Variants in CORIN observed in about 807,000 individuals in gnomAD.
CORIN encodes the protein atrial natriuretic peptide-converting enzyme.
In CORIN, 117 loss-of-function variants were observed where a neutral mutation model predicts 125.3. That is an observed-to-expected ratio of 0.93 (90% CI 0.80 to 1.09). The LOEUF is 1.09. Among genes scored for constraint, CORIN ranks in the 50% least tolerant of loss-of-function variants. CORIN has a pLI of 0.00. For synonymous variants in CORIN, 450 were observed against 466.4 expected (o/e 0.96, Z 0.45); for missense variants, 1,253 against 1,306.7 (o/e 0.96, Z 0.63).
At chr4:47,643,076 A>G (rs1283537768) in intron 15 of CORIN, 70 bp downstream of exon 15, 4 of 1,611,544 alleles carry the variant, frequency 2.5e-6, no homozygotes, top group Non-Finnish European at 2.5e-6. Flanking sequence ...GAAGTAATTT[A>G]GGATCCATTC....
intron 16 of CORIN, among the ~76,000 whole-genome samples, chr4:47,637,222 G>A (rs11933764): frequency 1.3e-5 from 2 of 152,148 alleles, no homozygotes; most frequent in Non-Finnish European, 2.9e-5. Flanking sequence ...GCATTCAAGA[G>A]GTGACTTGGG....
At chr4:47,808,252 T>G (rs1731882959) in intron 1 of CORIN, among the ~76,000 whole-genome samples, 1 of 152,200 alleles carries the variant, frequency 6.6e-6, no homozygotes, top group Non-Finnish European at 1.5e-5. Context: ...TGGTTCTTCC[T>G]CTTAATAAAT....
chr4:47,798,977 G>C (rs911271076), intron 2 of CORIN, among the ~76,000 whole-genome samples: 1 of 152,044 alleles, frequency 6.6e-6, no homozygotes, highest in African/African-American at 2.4e-5. Flanking sequence ...CTTCTTATAA[G>C]TGAGAACATG....
chr4:47,632,757 A>AGATAGATAGATAGATAGATAGATAGAT lies in CORIN; in HGVS notation c.2199-6237_2199-6236insATCTATCTATCTATCTATCTATCTATC, dbSNP rs1219555317. 2.7e-3 allele frequency among the ~76,000 whole-genome samples: 365 copies of AGATAGATAGATAGATAGATAGATAGAT among 136,904 alleles called. 1 individual carries two copies. Among genetic ancestry groups the AGATAGATAGATAGATAGATAGATAGAT allele is most frequent in the East Asian group, 6.8e-3 (34 of 4,982 alleles). 89.8% of individuals were successfully genotyped at this position (136,904 alleles called of 152,430 possible). ...TAGATAGATAGATAGATAGATAGAT[A>AGATAGATAGATAGATAGATAGATAGAT]GATAGATAGAGATAGATAGTTAGAT... is the stretch of plus-strand genomic sequence containing the variant. On this transcript the variant is annotated intron_variant, in intron 16 of 21. Coordinates refer to ENST00000273857, the MANE Select transcript of CORIN (RefSeq NM_006587.4).
chr4:47,661,364 T>A (rs931289194), intron 12 of CORIN: 1 of 172,498 alleles, frequency 5.8e-6, no homozygotes, highest in Non-Finnish European at 1.2e-5. Flanking sequence ...AAAGGATAAA[T>A]GCTTGGGGTG....
chr4:47,650,814 C>G (rs1229896079), intron 13 of CORIN, among the ~76,000 whole-genome samples: 1 of 152,338 alleles, frequency 6.6e-6, no homozygotes, highest in East Asian at 1.9e-4. Flanking sequence ...TGTACTGACA[C>G]AGTGCAGATT....
intron 4 of CORIN, among the ~76,000 whole-genome samples, chr4:47,748,418 C>T (rs986648520): frequency 1.3e-5 from 2 of 152,168 alleles, no homozygotes; most frequent in Admixed American, 1.3e-4. Context: ...GTCTGAAGTG[C>T]ATTTGGTGTT....
intron 5 of CORIN, chr4:47,706,758 T>G: frequency 6.2e-7 from 1 of 1,600,072 alleles, no homozygotes; most frequent in Non-Finnish European, 8.5e-7. Context: ...ACATACAAAT[T>G]TTTTGAGGTT....
At chr4:47,655,998 T>C (rs894463080) in intron 12 of CORIN, among the ~76,000 whole-genome samples, 4 of 152,026 alleles carry the variant, frequency 2.6e-5, no homozygotes, top group Non-Finnish European at 5.9e-5. Flanking sequence ...AAAGCCAGTA[T>C]TACCCTGAAA....
chr4:47,627,432 A>G (rs1242915535), intron 16 of CORIN, among the ~76,000 whole-genome samples: 1 of 152,224 alleles, frequency 6.6e-6, no homozygotes, highest in African/African-American at 2.4e-5. Flanking sequence ...AAAACACAAG[A>G]GTATTTCATA....
At chr4:47,822,848 GCT>G (rs1732577475) in intron 1 of CORIN, among the ~76,000 whole-genome samples, 1 of 147,828 alleles carries the variant, frequency 6.8e-6, no homozygotes, top group Non-Finnish European at 1.5e-5. Flanking sequence ...AGGGAGTCTC[GCT>G]CTGATGCCAG....
chr4:47,685,434 C>T (rs1360965615), intron 6 of CORIN, among the ~76,000 whole-genome samples: 4 of 152,090 alleles, frequency 2.6e-5, no homozygotes, highest in Admixed American at 6.6e-5. Context: ...TTATATGACT[C>T]GTTTATGGAA....
At chr4:47,746,793 C>G (rs1247194622) in intron 4 of CORIN, among the ~76,000 whole-genome samples, 6 of 152,114 alleles carry the variant, frequency 3.9e-5, no homozygotes, top group Non-Finnish European at 7.4e-5. Context: ...CTTAGCCTCC[C>G]AAAGTGCAGG....
chr4:47,768,560 G>A (rs1340292272), intron 3 of CORIN, among the ~76,000 whole-genome samples: 1 of 152,076 alleles, frequency 6.6e-6, no homozygotes, highest in Non-Finnish European at 1.5e-5. Context: ...GATGAATATA[G>A]ATACAAAAAT....
At chr4:47,617,780 C>T (rs923252749) in intron 19 of CORIN, among the ~76,000 whole-genome samples, 10 of 152,210 alleles carry the variant, frequency 6.6e-5, no homozygotes, top group Non-Finnish European at 2.9e-5. Context: ...CAGAAGGACA[C>T]AGCATGAGCT....
chr4:47,653,509 G>C (rs1399003435), intron 13 of CORIN, 44 bp downstream of exon 13: 15 of 1,449,594 alleles, frequency 1.0e-5, no homozygotes, highest in Non-Finnish European at 1.4e-5. Flanking sequence ...TTTTATTCTA[G>C]TTATCACTGT....
At chr4:47,597,256 G>A (rs1721289342) in intron 21 of CORIN, among the ~76,000 whole-genome samples, 1 of 151,724 alleles carries the variant, frequency 6.6e-6, no homozygotes, top group East Asian at 1.9e-4. Flanking sequence ...GGAGGCTGAG[G>A]CAGGAGAATC....
rs1298737994 is a variant in CORIN, at chr4:47,613,796, T to C, written c.2540+9775A>G. Among the ~76,000 whole-genome samples the C allele has an allele frequency of 2.7e-5, 3 of 110,712 alleles. No homozygotes were observed. The East Asian group carries it at 9.0e-4, about 33-fold the overall frequency. The allele number at this position is 110,712 out of a possible 152,430, so 72.6% of individuals were successfully genotyped here. On this transcript the variant is annotated intron_variant, in intron 19 of 21. Coordinates refer to ENST00000273857, the MANE Select transcript of CORIN (RefSeq NM_006587.4). ...ACACAGGAAGGGGAACATCACACTC[T>C]GGGGACTGTTGTGGGGTGGGGGGAG...
At chr4:47,695,277 G>C (rs1217617257) in intron 5 of CORIN, among the ~76,000 whole-genome samples, 2 of 152,188 alleles carry the variant, frequency 1.3e-5, no homozygotes, top group African/African-American at 4.8e-5. Flanking sequence ...TTGTGAGATT[G>C]TTTCTGTATT....
Sources: allele counts gnomAD v4.1 joint callset (sites outside exome capture counted in the v4.1 genomes callset), GRCh38; gene constraint gnomAD v4.1.1; transcripts MANE v1.5; gene names NCBI Gene and HGNC (gene_info 2026-07-23, HGNC 2026-07-21).